Variants in RBFOX1 observed in about 807,000 individuals in gnomAD.
The protein encoded by RBFOX1 is RNA binding protein fox-1 homolog 1.
A neutral mutation model predicts 57.7 loss-of-function variants in RBFOX1; 8 were observed. That is an observed-to-expected ratio of 0.14 (90% confidence interval 0.08 to 0.25). RBFOX1 has a LOEUF of 0.25. Ranked by LOEUF, RBFOX1 falls within the 10% of genes least tolerant of loss-of-function variation. The probability of loss-of-function intolerance (pLI) is 1.00; values close to 1 mark genes in which losing one functional copy is unlikely to be tolerated. For synonymous variants in RBFOX1, 326 were observed against 222.4 expected (o/e 1.47, Z -4.15); for missense variants, 611 against 548.5 (o/e 1.11, Z -1.14).
At chr16:6,500,385 C>G (rs781745548) in intron 2 of RBFOX1, among the ~76,000 whole-genome samples, 2 of 152,098 alleles carry the variant, frequency 1.3e-5, no homozygotes, top group African/African-American at 2.4e-5. Flanking sequence ...GAGCTTCTCA[C>G]TAGAGGATAT....
intron 3 of RBFOX1, among the ~76,000 whole-genome samples, chr16:6,768,701 AT>A (rs2077781917): frequency 1.3e-5 from 2 of 149,776 alleles, no homozygotes; most frequent in African/African-American, 4.9e-5. Context: ...GTACCTATAT[AT>A]ATATATGTAT....
rs986911119 is a variant in RBFOX1 at position 6,617,069 on chromosome 16, G to T, written c.-63-37534G>T. Among the ~76,000 whole-genome samples, 6 of 152,066 alleles carry T rather than the reference G, an allele frequency of 3.9e-5. No homozygotes were observed. The East Asian group carries it at 1.2e-3, about 30-fold the overall frequency. Reference sequence around the variant, plus strand: ...TATACAGTGTTGATCTTTGAGCAGGGTACTTAAGAACGTAGAGGTGCTTTG... The same window carrying T: ...TATACAGTGTTGATCTTTGAGCAGGTTACTTAAGAACGTAGAGGTGCTTTG... On this transcript the variant is annotated intron_variant, in intron 2 of 15. Coordinates refer to ENST00000550418, the MANE Select transcript of RBFOX1 (RefSeq NM_018723.4).
intron 4 of RBFOX1, among the ~76,000 whole-genome samples, chr16:7,113,190 T>C (rs1300537493): frequency 6.6e-6 from 1 of 152,186 alleles, no homozygotes; most frequent in East Asian, 1.9e-4. Flanking sequence ...CATAAATACA[T>C]TGAGCTTTCT....
At chr16:7,457,134 G>C (rs2058687733) in intron 4 of RBFOX1, among the ~76,000 whole-genome samples, 1 of 152,068 alleles carries the variant, frequency 6.6e-6, no homozygotes, top group African/African-American at 2.4e-5. Flanking sequence ...AGATCCGCCT[G>C]CCTCAGCCTC....
At chr16:7,378,837 A>G (rs1365534811) in intron 4 of RBFOX1, among the ~76,000 whole-genome samples, 3 of 152,166 alleles carry the variant, frequency 2.0e-5, no homozygotes, top group African/African-American at 4.8e-5. Flanking sequence ...GCAGGGCACA[A>G]AAGGACCTTC....
intron 4 of RBFOX1, among the ~76,000 whole-genome samples, chr16:7,276,269 C>T (rs994706806): frequency 6.6e-6 from 1 of 152,082 alleles, no homozygotes; most frequent in African/African-American, 2.4e-5. Context: ...GTGATAATTT[C>T]CCCACGCCCC....
At chr16:6,446,854 A>T (rs1261822468) in intron 2 of RBFOX1, among the ~76,000 whole-genome samples, 2 of 152,176 alleles carry the variant, frequency 1.3e-5, no homozygotes, top group Non-Finnish European at 2.9e-5. Flanking sequence ...TGTCAGCCAC[A>T]TAGCGCTCTT....
intron 1 of RBFOX1, among the ~76,000 whole-genome samples, chr16:6,265,762 C>G (rs550747463): frequency 4.6e-5 from 7 of 152,278 alleles, no homozygotes; most frequent in Admixed American, 3.3e-4. Flanking sequence ...CTTTTAGCTT[C>G]AGCCTTTTTG....
intron 2 of RBFOX1, among the ~76,000 whole-genome samples, chr16:6,519,911 C>G (rs184535102): frequency 6.3e-4 from 96 of 152,226 alleles, no homozygotes; most frequent in African/African-American, 2.3e-3. Context: ...TGGGTTTGGC[C>G]CCATGCTCTT....
chr16:5,759,198 C>T (rs2053504867), intron 3 of RBFOX1, among the ~76,000 whole-genome samples: 1 of 152,166 alleles, frequency 6.6e-6, no homozygotes, highest in South Asian at 2.1e-4. Flanking sequence ...AGGCAAGGTT[C>T]AGTTTAGAAT....
intron 4 of RBFOX1, among the ~76,000 whole-genome samples, chr16:7,305,635 T>G (rs953552424): frequency 1.3e-5 from 2 of 152,198 alleles, no homozygotes; most frequent in Admixed American, 6.5e-5. Context: ...TTTCAACCTG[T>G]GTTAAAGGAA....
chr16:5,714,811 C>T (rs2051627662), intron 3 of RBFOX1, among the ~76,000 whole-genome samples: 1 of 152,206 alleles, frequency 6.6e-6, no homozygotes, highest in Non-Finnish European at 1.5e-5. Context: ...CTATTATCGT[C>T]ACTGCGTCAC....
At position 5,639,508 on chromosome 16, in the gene RBFOX1, C is replaced by G. The variant is rs574803854; in HGVS notation, c.318+40547C>G. Among the ~76,000 whole-genome samples the G allele has an allele frequency of 1.8e-3, 269 of 152,318 alleles. 5 individuals carry two copies. The highest frequency in any genetic ancestry group is 4.1e-4 in the Non-Finnish European group (28 of 68,032). On this transcript the variant is annotated intron_variant, in intron 3 of 19. Transcript: ENST00000641259. ...ACACTGGGTCCATGTTCCTACATAA[C>G]ACTAGTCAAATGGGACTGAGTAGTG...
At chr16:7,121,927 G>T (rs944212066) in intron 4 of RBFOX1, among the ~76,000 whole-genome samples, 1 of 138,516 alleles carries the variant, frequency 7.2e-6, no homozygotes, top group Non-Finnish European at 1.6e-5. Flanking sequence ...AAGGAGAAAT[G>T]ATTTTGTTTT....
chr16:6,193,392 C>CCATATATATA (rs1555545384), intron 1 of RBFOX1, among the ~76,000 whole-genome samples: 1 of 43,220 alleles, frequency 2.3e-5, no homozygotes, highest in Non-Finnish European at 4.8e-5. Context: ...TATATATATA[C>CCATATATATA]TATATATATA....
At chr16:5,427,784 C>T (rs1211926725) in intron 1 of RBFOX1, among the ~76,000 whole-genome samples, 2 of 152,166 alleles carry the variant, frequency 1.3e-5, no homozygotes, top group Non-Finnish European at 1.5e-5. Flanking sequence ...GGCCCACCCA[C>T]ATTAGAGAGT....
At chr16:5,608,182 G>A (rs1349940343) in intron 3 of RBFOX1, among the ~76,000 whole-genome samples, 1 of 152,188 alleles carries the variant, frequency 6.6e-6, no homozygotes, top group Non-Finnish European at 1.5e-5. Context: ...CATACCTTGT[G>A]AATTGTCATA....
chr16:5,818,949 G>T (rs1324580349), intron 3 of RBFOX1, among the ~76,000 whole-genome samples: 3 of 152,072 alleles, frequency 2.0e-5, no homozygotes, highest in Non-Finnish European at 4.4e-5. Context: ...CCTTACAATG[G>T]ATGGGTCTTA....
chr16:6,887,202 C>G (rs140934130), intron 3 of RBFOX1, among the ~76,000 whole-genome samples: 77 of 152,306 alleles, frequency 5.1e-4, no homozygotes, highest in Non-Finnish European at 8.1e-4. Flanking sequence ...CCTCCTCTAT[C>G]TCTAATTCTA....
Sources: gnomAD v4.1 joint callset for allele counts (sites outside exome capture counted in the v4.1 genomes callset) on GRCh38, gnomAD v4.1.1 for gene constraint, MANE v1.5 for transcripts, NCBI Gene and HGNC (gene_info 2026-07-23, HGNC 2026-07-21) for gene names.